The following SGCD variants were observed in gnomAD, a reference collection of about 807,000 sequenced individuals.
The protein encoded by SGCD is delta-sarcoglycan.
Under a neutral mutation model 36.6 loss-of-function variants are expected in SGCD, and 18 were observed. The ratio of observed to expected loss-of-function variants is 0.49; its 90% CI spans 0.34 to 0.73. The LOEUF is 0.73. SGCD is among the 30% of genes least tolerant of loss of function. SGCD has a pLI of 0.01. For missense variants in SGCD, 387 were observed against 346.7 expected, an observed-to-expected ratio of 1.12 and a Z score of -0.92; for synonymous variants, 133 against 130.6, an observed-to-expected ratio of 1.02 and a Z score of -0.12.
At chr5:156,410,991 T>G (rs982510371) in intron 3 of SGCD, among the ~76,000 whole-genome samples, 4 of 152,056 alleles carry the variant, frequency 2.6e-5, no homozygotes, top group African/African-American at 9.7e-5. Context: ...TAATTGGGAG[T>G]CTTTCACATT....
chr5:156,286,476 A>G (rs927804020), intron 3 of SGCD, among the ~76,000 whole-genome samples: 3 of 152,264 alleles, frequency 2.0e-5, no homozygotes, highest in Admixed American at 6.5e-5. Context: ...TATATACACC[A>G]TGGAATACTA....
intron 6 of SGCD, among the ~76,000 whole-genome samples, chr5:156,602,868 T>C (rs1761257390): frequency 6.6e-6 from 1 of 152,174 alleles, no homozygotes; most frequent in African/African-American, 2.4e-5. Context: ...AAATTTTGTA[T>C]CTATGTTCGT....
chr5:155,732,816 A>C, the SGCD span, among the ~76,000 whole-genome samples: 8 of 152,136 alleles, frequency 5.3e-5, no homozygotes, highest in African/African-American at 9.7e-5. Flanking sequence ...CCGGATTCCA[A>C]CACTGGATCC....
chr5:155,786,708 G>A, the SGCD span, among the ~76,000 whole-genome samples: 1 of 152,096 alleles, frequency 6.6e-6, no homozygotes, highest in Non-Finnish European at 1.5e-5. Flanking sequence ...TAATAAACAG[G>A]TTATGTATGT....
In SGCD at chr5:156,067,811, C is replaced by T. The variant is rs1205178170; in HGVS notation, c.-281-50067C>T. Among the ~76,000 whole-genome samples the T allele has an allele frequency of 7.2e-5, 10 of 139,164 alleles. 1 individual carries two copies. The highest frequency in any genetic ancestry group is 2.0e-4 in the Admixed American group (3 of 14,662). 91.3% of individuals were successfully genotyped at this position (139,164 alleles called of 152,430 possible). ...GCTCTGCTTCGGCTCGCGCACGGTG[C>T]GCACACACACTGGCCTGCGCCCACT... On this transcript the variant is annotated intron_variant, in intron 1 of 9. Coordinates refer to the SGCD transcript ENST00000517913.
the SGCD span, among the ~76,000 whole-genome samples, chr5:155,792,810 C>G: frequency 6.8e-4 from 103 of 152,224 alleles, no homozygotes; most frequent in Middle Eastern, 3.4e-3. Context: ...GGCGGGAATG[C>G]AAATTAGTTC....
At chr5:156,082,295 G>C (rs1466339820) in intron 1 of SGCD, among the ~76,000 whole-genome samples, 1 of 150,354 alleles carries the variant, frequency 6.7e-6, no homozygotes, top group Non-Finnish European at 1.5e-5. Context: ...GGTGGGGGTA[G>C]TGGTGGGGAA....
At chr5:155,751,866 G>T in the SGCD span, among the ~76,000 whole-genome samples, 1 of 152,274 alleles carries the variant, frequency 6.6e-6, no homozygotes, top group African/African-American at 2.4e-5. Context: ...CCAAAGGCAG[G>T]CTGGGATAGT....
chr5:156,655,807 C>A (rs1418751466), intron 7 of SGCD, among the ~76,000 whole-genome samples: 4 of 151,970 alleles, frequency 2.6e-5, no homozygotes, highest in African/African-American at 9.7e-5. Flanking sequence ...TTCACTTATT[C>A]ACTGTTTTTT....
chr5:156,327,046 T>C (rs1767842618), upstream of SGCD: 1 of 152,606 alleles, frequency 6.6e-6, no homozygotes, highest in Non-Finnish European at 1.5e-5. Context: ...TTCAGGAAAT[T>C]CTTCAGGCAT....
At chr5:156,571,796 G>A (rs73812688) in intron 4 of SGCD, among the ~76,000 whole-genome samples, 43,698 of 152,112 alleles carry the variant, frequency 0.29, 6,580 homozygotes, top group Non-Finnish European at 0.34. Flanking sequence ...TAACTGAAGT[G>A]TATAATTCAG....
intron 1 of SGCD, among the ~76,000 whole-genome samples, chr5:156,015,681 C>G (rs1241937772): frequency 1.3e-5 from 2 of 151,022 alleles, no homozygotes; most frequent in Non-Finnish European, 3.0e-5. Context: ...ATATCCTTAC[C>G]ACTTTTGTAA....
At chr5:156,414,837 G>T (rs541206774) in intron 3 of SGCD, among the ~76,000 whole-genome samples, 1 of 152,152 alleles carries the variant, frequency 6.6e-6, no homozygotes, top group Non-Finnish European at 1.5e-5. Flanking sequence ...CTAGCATTTG[G>T]TATGTTACAA....
Position 156,057,330 on chromosome 5 carries a change from G to T in SGCD, c.-281-60548G>T, listed in dbSNP as rs1760087578. ...TTCAGCAGTATTTATAATAGCAAAA[G>T]ACTGGCAACAACCTAAAAGTCTATC... On this transcript the variant is annotated intron_variant, in intron 1 of 9. Transcript: ENST00000517913. Among the ~76,000 whole-genome samples the T allele has an allele frequency of 1.4e-5, 2 of 146,450 alleles. 1 individual carries two copies. The highest frequency in any genetic ancestry group is 1.4e-4 in the Admixed American group (2 of 14,644).
chr5:156,089,882 C>A (rs1373244931), intron 1 of SGCD, among the ~76,000 whole-genome samples: 2 of 152,088 alleles, frequency 1.3e-5, no homozygotes, highest in African/African-American at 2.4e-5. Flanking sequence ...TAAACCAGGG[C>A]CTCAGGGAGC....
At chr5:156,652,023 T>C (rs693752) in intron 7 of SGCD, among the ~76,000 whole-genome samples, 121,237 of 151,968 alleles carry the variant, frequency 0.8, 49,407 homozygotes, top group South Asian at 0.89. Flanking sequence ...CTAGTTATTT[T>C]ATTTTTTGTG....
At chr5:155,994,157 AT>A (rs1184714309) in intron 1 of SGCD, among the ~76,000 whole-genome samples, 8 of 152,278 alleles carry the variant, frequency 5.3e-5, no homozygotes. Context: ...GCTAGACATC[AT>A]ACACTTTGGT....
chr5:155,860,782 G>T, the SGCD span, among the ~76,000 whole-genome samples: 1 of 152,148 alleles, frequency 6.6e-6, no homozygotes, highest in Non-Finnish European at 1.5e-5. Flanking sequence ...TTCTGCATTA[G>T]ATATTTTTAA....
At position 156,470,096 on chromosome 5, in the gene SGCD, A is replaced by G. The variant is rs576606096; in HGVS notation, c.193-38505A>G. 2.0e-5 allele frequency among the ~76,000 whole-genome samples: 3 copies of G among 152,348 alleles called. No individual in the cohort carries two copies. The South Asian group carries it at 6.2e-4, about 32-fold the overall frequency. On this transcript the variant is annotated intron_variant, in intron 3 of 8. Transcript: ENST00000337851. ...CTAGGTTGCTAAGGGCCTTGGGAAA[A>G]TAAGTTCACTTGTATGGTAAAACAG...
Sources: allele counts gnomAD v4.1 joint callset (sites outside exome capture counted in the v4.1 genomes callset), GRCh38; gene constraint gnomAD v4.1.1; transcripts MANE v1.5; gene names NCBI Gene and HGNC (gene_info 2026-07-23, HGNC 2026-07-21).